The following KANSL1L variants were observed in gnomAD, a reference collection of about 807,000 sequenced individuals.
KANSL1L encodes KAT8 regulatory NSL complex subunit 1-like protein.
Under a neutral mutation model 108.6 loss-of-function variants are expected in KANSL1L, and 25 were observed. The ratio of observed to expected loss-of-function variants is 0.23; its 90% CI spans 0.17 to 0.32. KANSL1L has a LOEUF of 0.32. Among genes scored for constraint, KANSL1L ranks in the 10% least tolerant of loss-of-function variants. The pLI, the probability that KANSL1L is intolerant of heterozygous loss-of-function variation, is 1.00. For missense variants in KANSL1L, 1,137 were observed against 1,125.7 expected (o/e 1.01, Z -0.14); for synonymous variants, 405 against 395.1 (o/e 1.03, Z -0.30).
At chr2:210,137,720 A>G (rs574673758) in intron 2 of KANSL1L, among the ~76,000 whole-genome samples, 1 of 152,312 alleles carries the variant, frequency 6.6e-6, no homozygotes, top group African/African-American at 2.4e-5. Context: ...TGGGGTGGGA[A>G]AATAATATAA....
intron 6 of KANSL1L, among the ~76,000 whole-genome samples, chr2:210,070,221 G>GTTT (rs2094496811): frequency 1.4e-5 from 1 of 70,650 alleles, no homozygotes; most frequent in African/African-American, 5.7e-5. Context: ...CTCTTTCTCC[G>GTTT]TTCTTTTTTT....
At position 210,065,290 on chromosome 2, in the gene KANSL1L, C is replaced by CA. The variant is rs60860386; in HGVS notation, c.1755+10261dup. ...TGGATGACAGAGCACGACTCTGTCT[C>CA]AAAAAAAAAAAAAAAAAAAAAAAAA... On this transcript the variant is annotated intron_variant, in intron 6 of 14. Coordinates refer to ENST00000281772, the MANE Select transcript of KANSL1L (RefSeq NM_152519.4). Among the ~76,000 whole-genome samples, 56 of 53,300 alleles carry CA rather than the reference C, an allele frequency of 1.1e-3. 3 individuals are homozygous for CA. Among genetic ancestry groups the CA allele is most frequent in the African/African-American group, 2.7e-3 (33 of 12,158 alleles). The allele number at this position is 53,300 out of a possible 152,430, so 35.0% of individuals were successfully genotyped here.
rs1185390630 is a variant in KANSL1L, at chr2:210,079,698, G to GTATATATATATATA, written c.1551-3943_1551-3942insTATATATATATATA. On this transcript the variant is annotated intron_variant, in intron 5 of 14. Coordinates refer to ENST00000281772, the MANE Select transcript of KANSL1L (RefSeq NM_152519.4). ...TGTATATATATATATATATGTATGT[G>GTATATATATATATA]TGTATATATATATATATATATATAT... 35 of 22,206 alleles carry GTATATATATATATA rather than the reference G, an allele frequency of 1.6e-3. 1 individual carries two copies. The highest frequency in any genetic ancestry group is 3.5e-3 in the African/African-American group (29 of 8,214). The allele number at this position is 22,206 out of a possible 1,614,324, so 1.4% of individuals were successfully genotyped here. A position where few individuals can be genotyped will look rare whatever the true frequency, so the allele number is the denominator to read the frequency against.
intron 2 of KANSL1L, among the ~76,000 whole-genome samples, chr2:210,141,706 A>G (rs1256076061): frequency 6.6e-6 from 1 of 152,192 alleles, no homozygotes; most frequent in Non-Finnish European, 1.5e-5. Context: ...GTTAACTGTG[A>G]GCTTATCATA....
rs928351146 is a variant in KANSL1L, at chr2:210,087,408, T to C, written c.1550+10678A>G. 2.6e-5 allele frequency among the ~76,000 whole-genome samples: 4 copies of C among 152,248 alleles called. No homozygotes were observed. In the East Asian group the frequency reaches 7.7e-4, roughly 29 times the overall value. ...AGAGACATCTATGTCATCTATCACA[T>C]TGGTTATCTGATTTTCTAGTCCAGA... On this transcript the variant is annotated intron_variant, in intron 5 of 14. Coordinates refer to ENST00000281772, the MANE Select transcript of KANSL1L (RefSeq NM_152519.4).
intron 5 of KANSL1L, chr2:210,096,653 A>G: frequency 1.0e-6 from 1 of 984,310 alleles, no homozygotes; most frequent in Non-Finnish European, 1.2e-6. Flanking sequence ...CTTAAAATAC[A>G]TTCACCTACA....
Position 210,044,061 on chromosome 2 carries a change from A to G in KANSL1L, c.1799T>C (p.Met600Thr). The G allele has an allele frequency of 6.2e-7, 1 of 1,606,662 alleles. No homozygotes were observed. ...KETAFLNTTQ[M>T]PCLQSASTWS... Reference sequence around the variant, plus strand: ...AGTTGAAGCTGATTGCAGGCAAGGCATTTGTGTAGTGTTTAAAAATGCTGT... The same window carrying G: ...AGTTGAAGCTGATTGCAGGCAAGGCGTTTGTGTAGTGTTTAAAAATGCTGT... The change falls in exon 7 of 15, where the codon ATG (methionine) becomes ACG (threonine). Residue 600 changes from methionine (M) to threonine (T), a missense_variant. This residue lies in a region of KANSL1L where 575 missense variants were observed against 567.1 expected (regional missense o/e 1.01). Coordinates refer to ENST00000281772, the MANE Select transcript of KANSL1L (RefSeq NM_152519.4). The surrounding 1 kb of genome is among the most constrained non-coding windows in gnomAD (Gnocchi z 4.2).
At chr2:210,133,412 G>C (rs1263535260) in intron 2 of KANSL1L, among the ~76,000 whole-genome samples, 1 of 151,952 alleles carries the variant, frequency 6.6e-6, no homozygotes. Flanking sequence ...TACAGAGAAT[G>C]GTTTGTATCC....
In KANSL1L at chr2:210,029,226, C is replaced by CA. The variant is rs2093981197; in HGVS notation, c.2272-258dup. 6 of 334,324 alleles carry CA rather than the reference C, an allele frequency of 1.8e-5. No individual in the cohort carries two copies. In the South Asian group the frequency reaches 3.3e-4, roughly 18 times the overall value. The allele number at this position is 334,324 out of a possible 1,614,324, so 20.7% of individuals were successfully genotyped here. A position where few individuals can be genotyped will look rare whatever the true frequency, so the allele number is the denominator to read the frequency against. On this transcript the variant is annotated intron_variant, in intron 10 of 14. Transcript: ENST00000281772. Reference sequence around the variant, plus strand: ...GCATACAAGCTTATTTTTAAGACCACAAAAAATAGGTCTTAAATGCAAAAC... The same window carrying CA: ...GCATACAAGCTTATTTTTAAGACCACAAAAAAATAGGTCTTAAATGCAAAAC...
intron 3 of KANSL1L, among the ~76,000 whole-genome samples, chr2:210,127,798 C>CAAAAAAAAAAAAAAAAAAAAAA (rs55979027): frequency 3.6e-5 from 1 of 28,128 alleles, no homozygotes. Context: ...GACTCTGCCT[C>CAAAAAAAAAAAAAAAAAAAAAA]AAAAAAAAAA....
chr2:210,052,046 G>A (rs184684771), intron 6 of KANSL1L, among the ~76,000 whole-genome samples: 335 of 143,434 alleles, frequency 2.3e-3, no homozygotes, highest in African/African-American at 8.1e-3. Context: ...TGTCACCCAC[G>A]GTGGAGAGTG....
intron 6 of KANSL1L, chr2:210,064,077 T>A (rs1005712081): frequency 6.6e-6 from 1 of 152,274 alleles, no homozygotes; most frequent in East Asian, 1.9e-4. Flanking sequence ...TCTCACAAGA[T>A]CTGATGGTTT....
intron 8 of KANSL1L, among the ~76,000 whole-genome samples, chr2:210,037,042 C>T (rs1306749059): frequency 6.6e-6 from 1 of 152,102 alleles, no homozygotes; most frequent in East Asian, 1.9e-4. Flanking sequence ...AGGTGTGGGC[C>T]ACCGCACCTG....
rs1480236324 is a variant in KANSL1L at position 210,129,120 on chromosome 2, G to C, written c.1141C>G (p.Arg381Gly). ...WLVDRARVGS[R>G]WTWLQAQISD... ...ATCTGAGCTTGAAGCCAAGTCCATC[G>C]GCTGCCAACTCGTGCTCTGTCTACA... is the stretch of plus-strand genomic sequence containing the variant. The change falls in exon 3 of 15, where the codon CGA (arginine) becomes GGA (glycine). Residue 381 changes from arginine to glycine, a missense_variant. Arg to Gly is a moderately radical substitution (Grantham distance 125). This residue lies in a region of KANSL1L where 556 missense variants were observed against 537.7 expected (regional missense o/e 1.03). Coordinates refer to ENST00000281772, the MANE Select transcript of KANSL1L (RefSeq NM_152519.4). The C allele has an allele frequency of 6.2e-7, 1 of 1,613,824 alleles. No individual in the cohort carries two copies. The highest frequency in any genetic ancestry group is 8.5e-7 in the Non-Finnish European group (1 of 1,179,808).
At chr2:210,125,658 G>C (rs1233661995) in intron 3 of KANSL1L, among the ~76,000 whole-genome samples, 1 of 152,140 alleles carries the variant, frequency 6.6e-6, no homozygotes, top group Non-Finnish European at 1.5e-5. Context: ...TTTATTCTTA[G>C]AATGAAAGGA....
chr2:210,043,223 A>C (rs1024339122), intron 7 of KANSL1L, among the ~76,000 whole-genome samples: 1 of 151,974 alleles, frequency 6.6e-6, no homozygotes, highest in Non-Finnish European at 1.5e-5. Flanking sequence ...CCATCTCTAC[A>C]AAAAAATTTA....
Position 210,029,902 on chromosome 2 carries a change from AAGTTT to A in KANSL1L, c.2167_2171del (p.Lys723Ter). 1 of 1,591,324 alleles carries A rather than the reference AAGTTT, an allele frequency of 6.3e-7. No homozygotes were observed. Among genetic ancestry groups the A allele is most frequent in the East Asian group, 2.2e-5 (1 of 44,540 alleles). ...CTGTGTGTTGAAAATCAGATTCTTCAAGTTTAGTTCTTTCTCCTGCCATGGAAAGA... is the reference window on the plus strand; with the variant it reads ...CTGTGTGTTGAAAATCAGATTCTTCAAGTTCTTTCTCCTGCCATGGAAAGA... On this transcript the variant is annotated frameshift_variant, in exon 10 of 15. Coordinates refer to ENST00000281772, the MANE Select transcript of KANSL1L (RefSeq NM_152519.4). LOFTEE classifies it high-confidence loss of function.
intron 8 of KANSL1L, among the ~76,000 whole-genome samples, chr2:210,033,192 A>G (rs894468182): frequency 1.2e-4 from 18 of 152,178 alleles, no homozygotes; most frequent in African/African-American, 4.3e-4. Context: ...TCAATATTAA[A>G]CCCTAAGATT....
intron 6 of KANSL1L, among the ~76,000 whole-genome samples, chr2:210,054,733 A>G (rs1187525316): frequency 6.6e-6 from 1 of 152,146 alleles, no homozygotes; most frequent in East Asian, 1.9e-4. Context: ...AGGCAAGAAA[A>G]AGAAATAAAA....
Sources: gnomAD v4.1 joint callset for allele counts (sites outside exome capture counted in the v4.1 genomes callset) on GRCh38, gnomAD v4.1.1 for gene constraint, gnomAD v4.1.1 regional missense constraint, Gnocchi (gnomAD v3.1) non-coding constraint, MANE v1.5 for transcripts, NCBI Gene and HGNC (gene_info 2026-07-23, HGNC 2026-07-21) for gene names.